Variants in NDUFS4 observed in about 807,000 individuals in gnomAD.
NDUFS4 encodes NADH dehydrogenase [ubiquinone] iron-sulfur protein 4, mitochondrial.
A neutral mutation model predicts 24.3 loss-of-function variants in NDUFS4; 28 were observed. The observed-to-expected ratio is 1.15, with a 90% CI of 0.85 to 1.58. The LOEUF is 1.58. Ranked by LOEUF, NDUFS4 falls within the 40% of genes most tolerant of loss-of-function variation. NDUFS4 has a pLI of 0.00. For missense variants in NDUFS4, 223 were observed against 207.9 expected (o/e 1.07, Z -0.45); for synonymous variants, 93 against 69.7 (o/e 1.34, Z -1.67).
intron 3 of NDUFS4, among the ~76,000 whole-genome samples, chr5:53,657,475 A>G (rs997229782): frequency 6.6e-6 from 1 of 152,084 alleles, no homozygotes; most frequent in Non-Finnish European, 1.5e-5. Context: ...TCTTCTTTCT[A>G]TATCTCATAT....
chr5:53,637,560 A>AT (rs2112497125), intron 2 of NDUFS4, among the ~76,000 whole-genome samples: 1 of 152,204 alleles, frequency 6.6e-6, no homozygotes, highest in East Asian at 1.9e-4. Flanking sequence ...AATTTTTTCC[A>AT]TTTTTGTTTA....
At chr5:53,584,922 C>A (rs1749696497) in intron 1 of NDUFS4, among the ~76,000 whole-genome samples, 2 of 151,978 alleles carry the variant, frequency 1.3e-5, no homozygotes, top group Admixed American at 1.3e-4. Flanking sequence ...TGTACGCCAC[C>A]ACACCCAGCT....
In NDUFS4 at chr5:53,671,459, C is replaced by T. The variant is rs146050088; in HGVS notation, c.425-11659C>T. Among the ~76,000 whole-genome samples, 1,398 of 152,228 alleles carry T rather than the reference C, an allele frequency of 9.2e-3. 17 individuals carry two copies. Among genetic ancestry groups the T allele is most frequent in the African/African-American group, 0.032 (1,324 of 41,558 alleles). ...CTGACACACAAAGAAAATATAAATA[C>T]CCCTGATTCTTTTAGCCTTAAACTT... On this transcript the variant is annotated intron_variant, in intron 4 of 4. Coordinates refer to ENST00000296684, the MANE Select transcript of NDUFS4 (RefSeq NM_002495.4).
At chr5:53,652,813 C>T (rs1561387667) in intron 3 of NDUFS4, among the ~76,000 whole-genome samples, 1 of 152,224 alleles carries the variant, frequency 6.6e-6, no homozygotes, top group East Asian at 1.9e-4. Flanking sequence ...CAAAATTATC[C>T]TTTGGGTTTG....
chr5:53,605,113 CAGG>C (rs1750458074), intron 2 of NDUFS4, among the ~76,000 whole-genome samples: 2 of 152,018 alleles, frequency 1.3e-5, no homozygotes, highest in Non-Finnish European at 2.9e-5. Flanking sequence ...CTCAGCTACT[CAGG>C]AGGCTGAGGC....
intron 1 of NDUFS4, among the ~76,000 whole-genome samples, chr5:53,591,938 G>C (rs1375868890): frequency 6.7e-6 from 1 of 150,092 alleles, no homozygotes. Flanking sequence ...GATGAGTTTT[G>C]TTGTTGTTGT....
intron 4 of NDUFS4, among the ~76,000 whole-genome samples, chr5:53,661,385 G>A (rs1752339183): frequency 6.6e-6 from 1 of 152,158 alleles, no homozygotes; most frequent in African/African-American, 2.4e-5. Context: ...CCAGTACCAT[G>A]CTATTTTGGT....
At chr5:53,587,992 A>G (rs555323878) in intron 1 of NDUFS4, among the ~76,000 whole-genome samples, 46 of 152,286 alleles carry the variant, frequency 3.0e-4, no homozygotes, top group Admixed American at 7.8e-4. Flanking sequence ...TTTGAGGAAG[A>G]GAAGACTAGA....
intron 1 of NDUFS4, among the ~76,000 whole-genome samples, chr5:53,565,635 A>G (rs191590292): frequency 1.3e-5 from 2 of 152,360 alleles, no homozygotes; most frequent in East Asian, 1.9e-4. Context: ...AAGATAAACT[A>G]TCTACAACAC....
intron 1 of NDUFS4, among the ~76,000 whole-genome samples, chr5:53,563,643 A>T (rs901162563): frequency 7.2e-5 from 11 of 152,094 alleles, no homozygotes; most frequent in African/African-American, 2.4e-4. Flanking sequence ...CTGGGATTAC[A>T]GGTGCCCACC....
intron 2 of NDUFS4, among the ~76,000 whole-genome samples, chr5:53,619,600 A>T (rs1262826076): frequency 2.0e-5 from 3 of 152,050 alleles, no homozygotes; most frequent in African/African-American, 7.2e-5. Flanking sequence ...TGTTGTGGAA[A>T]CATTAATTTG....
At chr5:53,584,977 A>G (rs1677676773) in intron 1 of NDUFS4, among the ~76,000 whole-genome samples, 1 of 152,144 alleles carries the variant, frequency 6.6e-6, no homozygotes, top group Non-Finnish European at 1.5e-5. Flanking sequence ...CATGTTGGCC[A>G]GGCTGGTCTC....
chr5:53,572,340 G>T (rs1749237737), intron 1 of NDUFS4, among the ~76,000 whole-genome samples: 1 of 152,152 alleles, frequency 6.6e-6, no homozygotes, highest in African/African-American at 2.4e-5. Flanking sequence ...CTACTTCAGA[G>T]AAGAAGGGAT....
At chr5:53,597,034 C>A (rs1346083381) in intron 1 of NDUFS4, among the ~76,000 whole-genome samples, 2 of 152,132 alleles carry the variant, frequency 1.3e-5, no homozygotes, top group African/African-American at 2.4e-5. Context: ...TACAAATGTA[C>A]AATTTGGGCA....
At chr5:53,622,457 G>A (rs1304281568) in intron 2 of NDUFS4, among the ~76,000 whole-genome samples, 1 of 152,092 alleles carries the variant, frequency 6.6e-6, no homozygotes, top group Non-Finnish European at 1.5e-5. Context: ...GCCACAGAGA[G>A]AGAGAAAAAG....
chr5:53,643,997 A>C (rs1394013876), intron 2 of NDUFS4, among the ~76,000 whole-genome samples: 1 of 152,178 alleles, frequency 6.6e-6, no homozygotes, highest in African/African-American at 2.4e-5. Context: ...TAGCTTAGCA[A>C]CATTGTGTAG....
At chr5:53,600,617 A>G (rs1750282047) in intron 1 of NDUFS4, among the ~76,000 whole-genome samples, 1 of 152,106 alleles carries the variant, frequency 6.6e-6, no homozygotes, top group Non-Finnish European at 1.5e-5. Context: ...CCCGGTAGGT[A>G]TAATTTATTA....
At chr5:53,613,762 T>G (rs1478615084) in intron 2 of NDUFS4, among the ~76,000 whole-genome samples, 1 of 151,972 alleles carries the variant, frequency 6.6e-6, no homozygotes, top group African/African-American at 2.4e-5. Context: ...GAAGTGTAGA[T>G]TTCATAGTGA....
intron 1 of NDUFS4, among the ~76,000 whole-genome samples, chr5:53,575,037 C>G (rs914529155): frequency 1.3e-5 from 2 of 152,216 alleles, no homozygotes; most frequent in East Asian, 1.9e-4. Flanking sequence ...TTGTTGCCAC[C>G]GCATGTGGCT....
Sources: allele counts gnomAD v4.1 joint callset (sites outside exome capture counted in the v4.1 genomes callset), GRCh38; gene constraint gnomAD v4.1.1; transcripts MANE v1.5; gene names NCBI Gene and HGNC (gene_info 2026-07-23, HGNC 2026-07-21).